Variants in POPDC1 observed in about 807,000 individuals in gnomAD.
The protein encoded by POPDC1 is popeye domain-containing protein 1.
chr6:105,132,060 G>A, the POPDC1 span, among the ~76,000 whole-genome samples: 376 of 151,808 alleles, frequency 2.5e-3, no homozygotes, highest in African/African-American at 8.3e-3. Context: ...CTGTCTCCGG[G>A]GTTCAAGCAA....
chr6:105,123,558 G>A, the POPDC1 span, among the ~76,000 whole-genome samples: 1,116 of 151,988 alleles, frequency 7.3e-3, 14 homozygotes, highest in African/African-American at 0.025. Flanking sequence ...CCACCACCAC[G>A]CCCAGCTAAT....
chr6:105,131,367 T>TG, the POPDC1 span, among the ~76,000 whole-genome samples: 2 of 152,212 alleles, frequency 1.3e-5, no homozygotes, highest in Non-Finnish European at 2.9e-5. Context: ...ATTATAGTCC[T>TG]GGTTTGGCCA....
the POPDC1 span, among the ~76,000 whole-genome samples, chr6:105,114,561 T>C: frequency 2.6e-5 from 4 of 152,244 alleles, no homozygotes; most frequent in Admixed American, 6.5e-5. Flanking sequence ...TAAAATACAA[T>C]TGGAAATATG....
chr6:105,103,373 C>T, the POPDC1 span, among the ~76,000 whole-genome samples: 1 of 151,952 alleles, frequency 6.6e-6, no homozygotes, highest in East Asian at 1.9e-4. Flanking sequence ...TTCATCATTG[C>T]TCATAAGAAT....
the POPDC1 span, among the ~76,000 whole-genome samples, chr6:105,111,014 A>G: frequency 6.6e-6 from 1 of 152,202 alleles, no homozygotes; most frequent in Non-Finnish European, 1.5e-5. Context: ...CACTAATAAC[A>G]AACAAAATAC....
chr6:105,128,747 A>C, the POPDC1 span, among the ~76,000 whole-genome samples: 6 of 152,200 alleles, frequency 3.9e-5, no homozygotes, highest in Admixed American at 3.9e-4. Flanking sequence ...GGCAAGCATT[A>C]TATCTTTTAC....
the POPDC1 span, among the ~76,000 whole-genome samples, chr6:105,107,175 G>GT: frequency 6.6e-6 from 1 of 151,324 alleles, no homozygotes; most frequent in Non-Finnish European, 1.5e-5. Context: ...AGTTCTTTTA[G>GT]TTTTTAACTT....
the POPDC1 span, among the ~76,000 whole-genome samples, chr6:105,118,720 T>A: frequency 0.034 from 5,203 of 152,294 alleles, 123 homozygotes; most frequent in Non-Finnish European, 0.055. Context: ...TCACTTTGTA[T>A]ATGTACTTTT....
chr6:105,122,020 T>C, the POPDC1 span, among the ~76,000 whole-genome samples: 2 of 152,212 alleles, frequency 1.3e-5, no homozygotes, highest in Non-Finnish European at 2.9e-5. Context: ...AGTGAGAAGT[T>C]GGCTCTGGGA....
At chr6:105,113,936 C>G in the POPDC1 span, among the ~76,000 whole-genome samples, 1 of 151,040 alleles carries the variant, frequency 6.6e-6, no homozygotes, top group Admixed American at 6.6e-5. Flanking sequence ...ACTCCCATCC[C>G]CCCCGCCACA....
At chr6:105,117,532 G>A in the POPDC1 span, among the ~76,000 whole-genome samples, 1 of 152,152 alleles carries the variant, frequency 6.6e-6, no homozygotes, top group Non-Finnish European at 1.5e-5. Flanking sequence ...TAGGAAAGCA[G>A]AAAGGTACTA....
chr6:105,118,103 C>T, the POPDC1 span, among the ~76,000 whole-genome samples: 24 of 152,250 alleles, frequency 1.6e-4, no homozygotes, highest in African/African-American at 5.5e-4. Flanking sequence ...ACACAAATAC[C>T]GCAGTAGGCA....
chr6:105,133,845 G>A, the POPDC1 span, among the ~76,000 whole-genome samples: 1 of 152,210 alleles, frequency 6.6e-6, no homozygotes, highest in Middle Eastern at 3.4e-3. Context: ...TTAGCATAGT[G>A]CAAAACTATT....
the POPDC1 span, among the ~76,000 whole-genome samples, chr6:105,132,450 A>G: frequency 6.6e-6 from 1 of 152,080 alleles, no homozygotes; most frequent in Non-Finnish European, 1.5e-5. Context: ...TACTAAGCCT[A>G]TCACCTTCTC....
chr6:105,107,973 A>T, the POPDC1 span, among the ~76,000 whole-genome samples: 1 of 152,194 alleles, frequency 6.6e-6, no homozygotes, highest in Non-Finnish European at 1.5e-5. Flanking sequence ...CAGCACCAGC[A>T]CTGAGGAACT....
the POPDC1 span, among the ~76,000 whole-genome samples, chr6:105,110,513 G>A: frequency 6.6e-6 from 1 of 152,218 alleles, no homozygotes; most frequent in South Asian, 2.1e-4. Context: ...AACCAGCCTC[G>A]AAACTAAGAA....
chr6:105,132,388 C>T, the POPDC1 span, among the ~76,000 whole-genome samples: 45 of 152,344 alleles, frequency 3.0e-4, no homozygotes, highest in Middle Eastern at 3.4e-3. Context: ...TGCTCATCTT[C>T]CAAAATCCAG....
chr6:105,134,246 C>T, the POPDC1 span, among the ~76,000 whole-genome samples: 1 of 152,034 alleles, frequency 6.6e-6, no homozygotes, highest in Non-Finnish European at 1.5e-5. Context: ...ATTTAAATCT[C>T]TACTTTATTT....
chr6:105,108,311 G>A, the POPDC1 span, among the ~76,000 whole-genome samples: 1 of 152,194 alleles, frequency 6.6e-6, no homozygotes, highest in African/African-American at 2.4e-5. Flanking sequence ...TGAGGCTGGA[G>A]GACGGCAGGC....
Sources: gnomAD v4.1 joint callset for allele counts (sites outside exome capture counted in the v4.1 genomes callset) on GRCh38, gnomAD v4.1.1 for gene constraint, MANE v1.5 for transcripts, NCBI Gene and HGNC (gene_info 2026-07-23, HGNC 2026-07-21) for gene names.